Variants in FAT2 observed in about 807,000 individuals in gnomAD.
FAT2 encodes protocadherin Fat 2.
FAT2 carries 150 observed loss-of-function variants against 295.3 expected under a neutral mutation model. The observed-to-expected ratio is 0.51, with a 90% CI of 0.44 to 0.58. The LOEUF is 0.58. Ranked by LOEUF, FAT2 falls within the 20% of genes least tolerant of loss-of-function variation. The pLI, the probability that FAT2 is intolerant of heterozygous loss-of-function variation, is 0.00. For missense variants in FAT2, 4,868 were observed against 5,442.7 expected, an observed-to-expected ratio of 0.89 and a Z score of 3.32; for synonymous variants, 2,026 against 2,150.3, an observed-to-expected ratio of 0.94 and a Z score of 1.60.
chr5:151,549,513 C>T lies in FAT2; in HGVS notation c.4579-8G>A, dbSNP rs758339443. 9 of 1,613,422 alleles carry T rather than the reference C, an allele frequency of 5.6e-6. No individual in the cohort carries two copies. The East Asian group carries it at 2.0e-4, about 36-fold the overall frequency. On this transcript the variant is annotated splice_region_variant and splice_polypyrimidine_tract_variant and intron_variant, in intron 8 of 23. Transcript: ENST00000261800. ...TATTTCCTGGTCTCGGACCTATGGG[C>T]CCAAAGGGGGTAATTGGGTAAGCAG...
In FAT2 at chr5:151,540,729, T is replaced by C. The variant is rs1320753224; in HGVS notation, c.8877A>G (p.Gln2959=). 2 of 1,614,122 alleles carry C rather than the reference T, an allele frequency of 1.2e-6. No homozygotes were observed. Among genetic ancestry groups the C allele is most frequent in the Non-Finnish European group, 1.7e-6 (2 of 1,180,002 alleles). Residue 2959 remains glutamine (Q), a synonymous_variant, in exon 11 of 24, where the codon CAA becomes CAG. Transcript: ENST00000261800. ...GDPLGQFGIS[Q]VGDEWRISSR... The stretch of plus-strand genomic sequence containing the variant: ...AGGAAATCCTCCACTCATCTCCAAC[T>C]TGGCTGATGCCAAACTGGCCCAGGG...
At chr5:151,546,999 T>G (rs1756703864) in intron 9 of FAT2, among the ~76,000 whole-genome samples, 1 of 152,214 alleles carries the variant, frequency 6.6e-6, no homozygotes. Flanking sequence ...TCACATCACC[T>G]TTATAATTTT....
intron 13 of FAT2, among the ~76,000 whole-genome samples, chr5:151,533,524 A>G (rs1754903346): frequency 6.6e-6 from 1 of 151,756 alleles, no homozygotes; most frequent in Non-Finnish European, 1.5e-5. Context: ...CACCTCCTTC[A>G]ATGCCAAGCT....
chr5:151,579,415 T>C (rs1351082817), intron 1 of FAT2, among the ~76,000 whole-genome samples: 5 of 151,982 alleles, frequency 3.3e-5, no homozygotes. Context: ...CTACAAAACA[T>C]TTAAAAATTA....
At chr5:151,525,617 G>C in intron 18 of FAT2, 151 bp downstream of exon 18, 1 of 760,962 alleles carries the variant, frequency 1.3e-6, no homozygotes, top group Non-Finnish European at 2.1e-6. Flanking sequence ...AGTGTTATGA[G>C]GCTTTAGTCC....
rs558775609 is a variant in FAT2, at chr5:151,542,007, A to T, written c.8842+278T>A. 2.2e-4 allele frequency among the ~76,000 whole-genome samples: 34 copies of T among 152,304 alleles called. No individual in the cohort carries two copies. The South Asian group carries it at 6.8e-3, about 31-fold the overall frequency. On this transcript the variant is annotated intron_variant, in intron 10 of 23. Coordinates refer to ENST00000261800, the MANE Select transcript of FAT2 (RefSeq NM_001447.3). ...GACAACTGACAGCAGTTAGAGTATG[A>T]CTCATGTAAAATAATGAGACATACT... is the stretch of plus-strand genomic sequence containing the variant.
chr5:151,531,663 G>A lies in FAT2; in HGVS notation c.9735C>T (p.Arg3245=), dbSNP rs2127591235. The stretch of plus-strand genomic sequence containing the variant: ...GGTAGCCGGTCTTCTCTGCGCCCGG[G>A]CGAGTGAGGGTGGCCAGCTGCAGCA... The part of the protein sequence containing the change: ...TEVLQLATLT[R]PGAEKTGYRV... The change falls in exon 14 of 24, where the codon CGC becomes CGT. Residue 3245 remains arginine (R), a synonymous_variant. Transcript: ENST00000261800. The surrounding 1 kb of genome is among the most constrained non-coding windows in gnomAD (Gnocchi z 5.7). 6.2e-7 allele frequency: 1 copy of A among 1,613,816 alleles called. No homozygotes were observed. Among genetic ancestry groups the A allele is most frequent in the Non-Finnish European group, 8.5e-7 (1 of 1,179,936 alleles).
rs61375036 is a variant in FAT2, at chr5:151,568,767, G to A, written c.165C>T (p.Phe55=). Residue 55 remains phenylalanine, a synonymous_variant, in exon 2 of 24, where the codon TTC becomes TTT. Transcript: ENST00000261800. ...CCGCGAGGTAGATGCCCATTTTCTC[G>A]AAGCTCTCCACATAGGTCTTGGGAG... ...NSSPKTYVES[F]EKMGIYLAEP... is the part of the protein sequence containing the mutation. 706 of 1,614,084 alleles carry A rather than the reference G, an allele frequency of 4.4e-4. 2 individuals are homozygous for A. In the African/African-American group the frequency reaches 6.0e-3, roughly 14 times the overall value.
At chr5:151,593,389 T>C (rs1003570810), upstream of FAT2, among the ~76,000 whole-genome samples, 1 of 152,134 alleles carries the variant, frequency 6.6e-6, no homozygotes, top group Non-Finnish European at 1.5e-5. Flanking sequence ...GGTATCAGGA[T>C]GGATTTCAGA....
chr5:151,587,836 C>G (rs1403548611), intron 1 of FAT2, among the ~76,000 whole-genome samples: 1 of 152,178 alleles, frequency 6.6e-6, no homozygotes, highest in African/African-American at 2.4e-5. Flanking sequence ...ATGACAACAA[C>G]AAGAAGCAGT....
rs1363444317 is a variant in FAT2, at chr5:151,566,763, A to T, written c.2169T>A (p.Asp723Glu). 6.2e-7 allele frequency: 1 copy of T among 1,614,070 alleles called. No individual in the cohort carries two copies. The highest frequency in any genetic ancestry group is 1.3e-5 in the African/African-American group (1 of 74,930). The part of the protein sequence containing the change: ...QFEDHFPQSI[D>E]VLESVPINTP... Reference sequence around the variant, plus strand: ...TGTTGATAGGGACACTCTCAAGGACATCAATGGATTGGGGGAAGTGGTCCT... The same window carrying T: ...TGTTGATAGGGACACTCTCAAGGACTTCAATGGATTGGGGGAAGTGGTCCT... Residue 723 changes from aspartate to glutamate, a missense_variant, in exon 2 of 24, where the codon GAT becomes GAA. Asp to Glu is a conservative substitution (Grantham distance 45, BLOSUM62 2). This residue lies in a region of FAT2 where 3,297 missense variants were observed against 3,669.4 expected (regional missense o/e 0.90). Transcript: ENST00000261800.
chr5:151,558,609 TA>T lies in FAT2; in HGVS notation c.3575-2208del, dbSNP rs58125941. On this transcript the variant is annotated intron_variant, in intron 3 of 23. Coordinates refer to ENST00000261800, the MANE Select transcript of FAT2 (RefSeq NM_001447.3). The stretch of plus-strand genomic sequence containing the variant: ...CCTGGGCAACAGAGCGAGACTCCTT[TA>T]AAAAAAAAAAAGCAGCTTGTCAGGA... 3.4e-3 allele frequency among the ~76,000 whole-genome samples: 483 copies of T among 143,610 alleles called. 1 individual carries two copies. Among genetic ancestry groups the T allele is most frequent in the African/African-American group, 6.9e-3 (271 of 39,380 alleles). The allele number at this position is 143,610 out of a possible 152,430, so 94.2% of individuals were successfully genotyped here.
chr5:151,582,576 A>AC (rs1050766207), intron 1 of FAT2, among the ~76,000 whole-genome samples: 1 of 152,204 alleles, frequency 6.6e-6, no homozygotes, highest in African/African-American at 2.4e-5. Flanking sequence ...GATCTGCTGA[A>AC]CAAGGGAACC....
Position 151,566,780 on chromosome 5 carries a change from A to T in FAT2, c.2152T>A (p.Phe718Ile). 6.2e-7 allele frequency: 1 copy of T among 1,614,198 alleles called. No homozygotes were observed. The highest frequency in any genetic ancestry group is 8.5e-7 in the Non-Finnish European group (1 of 1,180,026). The change falls in exon 2 of 24, where the codon TTC becomes ATC. Residue 718 changes from phenylalanine (F) to isoleucine (I), a missense_variant. Transcript: ENST00000261800. ...TCAAGGACATCAATGGATTGGGGGA[A>T]GTGGTCCTCAAACTGTGGGGTGTAA... Reference protein sequence around the residue: ...NHYTPQFEDHFPQSIDVLESV... With the variant: ...NHYTPQFEDHIPQSIDVLESV...
chr5:151,527,259 T>C lies in FAT2; in HGVS notation c.10283A>G (p.Gln3428Arg). 1 of 1,611,986 alleles carries C rather than the reference T, an allele frequency of 6.2e-7. No homozygotes were observed. The highest frequency in any genetic ancestry group is 1.1e-5 in the South Asian group (1 of 90,912). Residue 3428 changes from glutamine (Q) to arginine (R), a missense_variant, in exon 17 of 24, where the codon CAG becomes CGG. Transcript: ENST00000261800. ...DVNDNPPRFF[Q>R]LNYSTTVQEN... ...CTGGACAGTGGTGCTGTAGTTGAGC[T>C]GGAAGAATCTCGGTGGGTTATCATT... is the stretch of plus-strand genomic sequence containing the variant.
At position 151,568,551 on chromosome 5, in the gene FAT2, C is replaced by T. The variant is rs751279135; in HGVS notation, c.381G>A (p.Glu127=). 4 of 1,614,022 alleles carry T rather than the reference C, an allele frequency of 2.5e-6. No homozygotes were observed. The African/African-American group carries it at 4.0e-5, about 16-fold the overall frequency. The part of the protein sequence containing the change: ...LIIQATEKTL[E]LEALTRVVVH... ...CCACCACACGGGTCAAAGCTTCCAA[C>T]TCCAAGGTCTTCTCTGTGGCTTGGA... Residue 127 remains glutamate (E), a synonymous_variant, in exon 2 of 24, where the codon GAG becomes GAA. Coordinates refer to ENST00000261800, the MANE Select transcript of FAT2 (RefSeq NM_001447.3).
At position 151,505,641 on chromosome 5, in the gene FAT2, G is replaced by A; in HGVS notation, c.12974C>T (p.Pro4325Leu). The A allele has an allele frequency of 6.2e-7, 1 of 1,614,140 alleles. No individual in the cohort carries two copies. Among genetic ancestry groups the A allele is most frequent in the East Asian group, 2.2e-5 (1 of 44,860 alleles). The change falls in exon 24 of 24, where the codon CCC becomes CTC. Residue 4325 changes from proline (P) to leucine (L), a missense_variant. Physicochemically the swap from Pro to Leu is moderately conservative, Grantham distance 98. Coordinates refer to ENST00000261800, the MANE Select transcript of FAT2 (RefSeq NM_001447.3). ...EGAPLAGQGQPRVPPNYEGSD... is the reference protein window; with the variant it reads ...EGAPLAGQGQLRVPPNYEGSD... ...GCCCTCATAGTTGGGGGGCACCCGG[G>A]GCTGGCCCTGGCCTGCAAGAGGTGC...
At chr5:151,553,415 G>A (rs2127628150) in intron 5 of FAT2, 28 bp from the exon 6 acceptor site, 1 of 1,607,166 alleles carries the variant, frequency 6.2e-7, no homozygotes, top group South Asian at 1.1e-5. Flanking sequence ...CCAAAACTGA[G>A]GTTTGGGGCC....
intron 1 of FAT2, among the ~76,000 whole-genome samples, chr5:151,590,604 G>A (rs1257807236): frequency 1.3e-5 from 2 of 152,156 alleles, no homozygotes; most frequent in Admixed American, 6.5e-5. Flanking sequence ...TACAGTCAGG[G>A]AAGCTGAGGT....
Sources: allele counts gnomAD v4.1 joint callset (sites outside exome capture counted in the v4.1 genomes callset), GRCh38; gene constraint gnomAD v4.1.1; regional missense constraint gnomAD v4.1.1; non-coding constraint Gnocchi (gnomAD v3.1); transcripts MANE v1.5; gene names NCBI Gene and HGNC (gene_info 2026-07-23, HGNC 2026-07-21).